Variants in SEPTIN9 observed in about 807,000 individuals in gnomAD.
SEPTIN9 encodes the protein septin 9.
A neutral mutation model predicts 56.6 loss-of-function variants in SEPTIN9; 13 were observed. The observed-to-expected ratio is 0.23, with a 90% CI of 0.15 to 0.37. The LOEUF (loss-of-function observed/expected upper bound fraction) is 0.37, where lower values mean the gene tolerates loss of function less well. SEPTIN9 is among the 10% of genes least tolerant of loss of function. The probability of loss-of-function intolerance (pLI) is 1.00; values close to 1 mark genes in which losing one functional copy is unlikely to be tolerated. For synonymous variants in SEPTIN9, 332 were observed against 334.1 expected (o/e 0.99, Z 0.07); for missense variants, 650 against 823.1 (o/e 0.79, Z 2.57).
chr17:77,311,575 C>T (rs553967066), intron 2 of SEPTIN9, among the ~76,000 whole-genome samples: 1 of 152,294 alleles, frequency 6.6e-6, no homozygotes, highest in South Asian at 2.1e-4. Flanking sequence ...GGCAGGAGTG[C>T]CTGGCTCCAC....
chr17:77,454,035 C>T (rs536783008), intron 3 of SEPTIN9: 12 of 953,214 alleles, frequency 1.3e-5, no homozygotes, highest in East Asian at 2.3e-4. Flanking sequence ...TTAGGGCTTC[C>T]GCCCTCTCTC....
intron 1 of SEPTIN9, among the ~76,000 whole-genome samples, chr17:77,303,615 A>G (rs1433169455): frequency 6.6e-6 from 1 of 151,606 alleles, no homozygotes; most frequent in African/African-American, 2.4e-5. Flanking sequence ...TGGGAGGCGG[A>G]GGTTGCGGTG....
intron 4 of SEPTIN9, among the ~76,000 whole-genome samples, chr17:77,485,056 GGTGGTGGTA>G (rs1397998109): frequency 1.1e-3 from 122 of 109,154 alleles, no homozygotes; most frequent in Non-Finnish European, 1.8e-3. Flanking sequence ...TGGTGATTGT[GGTGGTGGTA>G]ATGGTGATGG....
intron 3 of SEPTIN9, among the ~76,000 whole-genome samples, chr17:77,458,158 A>G (rs1330859466): frequency 6.6e-6 from 1 of 152,148 alleles, no homozygotes; most frequent in Non-Finnish European, 1.5e-5. Flanking sequence ...GCAGAAGCCT[A>G]CCCACCATAG....
rs1046005882 is a variant in SEPTIN9 at position 77,429,390 on chromosome 17, C to T, written c.721+26687C>T. ...GCAGGTTGCAAAATGGGGACATCAC[C>T]GTCCGCCTGGGCTACAGCGTGCTCG... On this transcript the variant is annotated intron_variant, in intron 3 of 11. Transcript: ENST00000427177. This position sits in a 1 kb window ranked among gnomAD's most constrained non-coding sequence, Gnocchi z 5.2. The T allele has an allele frequency of 1.2e-5, 5 of 424,614 alleles. No individual in the cohort carries two copies. Among genetic ancestry groups the T allele is most frequent in the South Asian group, 5.3e-5 (3 of 56,756 alleles). 26.3% of individuals were successfully genotyped at this position (424,614 alleles called of 1,614,324 possible).
intron 2 of SEPTIN9, among the ~76,000 whole-genome samples, chr17:77,395,215 G>A (rs1246047536): frequency 6.6e-6 from 1 of 152,048 alleles, no homozygotes; most frequent in Non-Finnish European, 1.5e-5. Context: ...TGCCCAGCCA[G>A]TACCAAGGTG....
At chr17:77,381,519 C>T (rs1246495219) in intron 2 of SEPTIN9, among the ~76,000 whole-genome samples, 3 of 152,208 alleles carry the variant, frequency 2.0e-5, no homozygotes, top group African/African-American at 7.2e-5. Flanking sequence ...GCCCTATGTC[C>T]CCCAGAGACC....
intron 2 of SEPTIN9, among the ~76,000 whole-genome samples, chr17:77,344,408 G>A (rs1408632880): frequency 6.6e-6 from 1 of 152,198 alleles, no homozygotes; most frequent in Admixed American, 6.5e-5. Context: ...CACTGCTGGT[G>A]GGAATGTAAA....
chr17:77,403,911 C>A (rs1311009453), intron 3 of SEPTIN9, among the ~76,000 whole-genome samples: 1 of 152,188 alleles, frequency 6.6e-6, no homozygotes, highest in Non-Finnish European at 1.5e-5. Flanking sequence ...TGAGCTCCGT[C>A]CCCGTTAGAC....
chr17:77,301,882 G>A (rs763253032), intron 1 of SEPTIN9, among the ~76,000 whole-genome samples: 3 of 152,192 alleles, frequency 2.0e-5, no homozygotes, highest in Non-Finnish European at 4.4e-5. Context: ...CAAAGGCAGA[G>A]CAGGGGTGTG....
At position 77,367,418 on chromosome 17, in the gene SEPTIN9, T is replaced by G. The variant is rs2034604313; in HGVS notation, c.77-34641T>G. Among the ~76,000 whole-genome samples the G allele has an allele frequency of 6.6e-6, 1 of 152,190 alleles. No individual in the cohort carries two copies. The highest frequency in any genetic ancestry group is 1.9e-4 in the East Asian group (1 of 5,196). ...GACTCTGCCATTCTGCAAAGGAAAC[T>G]GCGCTTTGTCATTGCACAGGATCGA... On this transcript the variant is annotated intron_variant, in intron 2 of 11. Transcript: ENST00000427177. This position sits in a 1 kb window ranked among gnomAD's most constrained non-coding sequence, Gnocchi z 4.5.
intron 3 of SEPTIN9, chr17:77,454,555 G>C (rs754538180): frequency 5.0e-5 from 9 of 178,718 alleles, no homozygotes; most frequent in Admixed American, 2.6e-4. Context: ...CGGAGATCCT[G>C]GCACACTCAG....
At position 77,410,946 on chromosome 17, in the gene SEPTIN9, G is replaced by A. The variant is rs114836087; in HGVS notation, c.721+8243G>A. Reference sequence around the variant, plus strand: ...CCTAAAAAGCAATGCACGACGGGGCGTGGTGGCGGGCACCTGTAGTCCCAG... The same window carrying A: ...CCTAAAAAGCAATGCACGACGGGGCATGGTGGCGGGCACCTGTAGTCCCAG... On this transcript the variant is annotated intron_variant, in intron 3 of 11. Transcript: ENST00000427177. Among the ~76,000 whole-genome samples, 1,411 of 152,186 alleles carry A rather than the reference G, an allele frequency of 9.3e-3. 17 individuals carry two copies. The highest frequency in any genetic ancestry group is 0.033 in the African/African-American group (1,352 of 41,492).
intron 3 of SEPTIN9, among the ~76,000 whole-genome samples, chr17:77,423,277 C>A (rs1444686682): frequency 6.6e-6 from 1 of 152,172 alleles, no homozygotes; most frequent in African/African-American, 2.4e-5. Flanking sequence ...CTCAAGCGAT[C>A]CGCCCGCCTC....
Position 77,436,370 on chromosome 17 carries a change from G to A in SEPTIN9, c.721+33667G>A, listed in dbSNP as rs1272922618. 6.6e-6 allele frequency among the ~76,000 whole-genome samples: 1 copy of A among 152,234 alleles called. No individual in the cohort carries two copies. Among genetic ancestry groups the A allele is most frequent in the African/African-American group, 2.4e-5 (1 of 41,460 alleles). ...CAGCTGTTCAGAGCGGATCCAGAAG[G>A]TGGAGAGAGGGTTTCCAATAAGCAG... On this transcript the variant is annotated intron_variant, in intron 3 of 11. Transcript: ENST00000427177. This position sits in a 1 kb window ranked among gnomAD's most constrained non-coding sequence, Gnocchi z 4.4.
rs1480250277 is a variant in SEPTIN9 at position 77,400,511 on chromosome 17, G to C, written c.77-1548G>C. On this transcript the variant is annotated intron_variant, in intron 2 of 11. Transcript: ENST00000427177. The surrounding 1 kb of genome is among the most constrained non-coding windows in gnomAD (Gnocchi z 4.1). ...GAGTGCCTTGCCCAGGAAGCTGGCAGCTGAGGCGGCCAGGGTTAGGGGGTT... is the reference window on the plus strand; with the variant it reads ...GAGTGCCTTGCCCAGGAAGCTGGCACCTGAGGCGGCCAGGGTTAGGGGGTT... The C allele has an allele frequency of 6.6e-6, 1 of 152,214 alleles. No individual in the cohort carries two copies. The highest frequency in any genetic ancestry group is 1.9e-4 in the East Asian group (1 of 5,184). 9.4% of individuals were successfully genotyped at this position (152,214 alleles called of 1,614,324 possible).
rs145080084 is a variant in SEPTIN9 at position 77,290,929 on chromosome 17, G to A, written c.19+9375G>A. 3.0e-4 allele frequency among the ~76,000 whole-genome samples: 45 copies of A among 151,474 alleles called. No individual in the cohort carries two copies. The South Asian group carries it at 9.0e-3, about 30-fold the overall frequency. On this transcript the variant is annotated intron_variant, in intron 1 of 11. Coordinates refer to ENST00000427177, the MANE Select transcript of SEPTIN9 (RefSeq NM_001113491.2). ...GTTGCCCAGGTTGGAGTGCAGTGGC[G>A]TGATCATGACCTCCCAGTCTCGACC...
rs773025304 is a variant in SEPTIN9, at chr17:77,486,487, GGTGTGT to G, written c.914-907_914-902del. On this transcript the variant is annotated intron_variant, in intron 4 of 11. Coordinates refer to ENST00000427177, the MANE Select transcript of SEPTIN9 (RefSeq NM_001113491.2). The stretch of plus-strand genomic sequence containing the variant: ...AGCAATGGGGCTCCGAGTCTGGAGG[GGTGTGT>G]GTGTGTGTGTGTGTGTGTGTGTGTG... 7.6e-4 allele frequency among the ~76,000 whole-genome samples: 109 copies of G among 143,742 alleles called. 1 individual carries two copies. Among genetic ancestry groups the G allele is most frequent in the Middle Eastern group, 7.0e-3 (2 of 284 alleles). The allele number at this position is 143,742 out of a possible 152,430, so 94.3% of individuals were successfully genotyped here. A position where few individuals can be genotyped will look rare whatever the true frequency, so the allele number is the denominator to read the frequency against.
chr17:77,299,192 G>A (rs913683599), intron 1 of SEPTIN9, among the ~76,000 whole-genome samples: 2 of 152,244 alleles, frequency 1.3e-5, no homozygotes, highest in Non-Finnish European at 2.9e-5. Context: ...CCTCCTGGTC[G>A]CTTCCACCCT....
Sources: allele counts gnomAD v4.1 joint callset (sites outside exome capture counted in the v4.1 genomes callset), GRCh38; gene constraint gnomAD v4.1.1; non-coding constraint Gnocchi (gnomAD v3.1); transcripts MANE v1.5; gene names NCBI Gene and HGNC (gene_info 2026-07-23, HGNC 2026-07-21).